Variants in PAM observed in about 807,000 individuals in gnomAD.
PAM encodes peptidyl-glycine alpha-amidating monooxygenase.
PAM carries 72 observed loss-of-function variants against 122.1 expected under a neutral mutation model. That is an observed-to-expected ratio of 0.59 (90% CI 0.49 to 0.72). The LOEUF is 0.72. PAM is among the 30% of genes least tolerant of loss of function. The pLI is 0.00. For missense variants in PAM, 1,106 were observed against 1,183.7 expected (o/e 0.93, Z 0.96); for synonymous variants, 389 against 404.4 (o/e 0.96, Z 0.46).
chr5:102,979,379 T>C (rs1768950800), intron 15 of PAM, among the ~76,000 whole-genome samples: 1 of 152,220 alleles, frequency 6.6e-6, no homozygotes, highest in African/African-American at 2.4e-5. Flanking sequence ...TATAAATATT[T>C]CTACAATAGT....
intron 4 of PAM, among the ~76,000 whole-genome samples, chr5:102,905,486 G>A (rs1408681780): frequency 1.3e-5 from 2 of 151,672 alleles, no homozygotes; most frequent in Admixed American, 1.3e-4. Context: ...TGCACAGTTA[G>A]ATTTGAATAG....
chr5:103,023,809 A>G (rs1281240827), intron 23 of PAM, among the ~76,000 whole-genome samples: 2 of 152,162 alleles, frequency 1.3e-5, no homozygotes, highest in Non-Finnish European at 2.9e-5. Context: ...ACGATGCCTG[A>G]CAATGGTGTA....
intron 3 of PAM, among the ~76,000 whole-genome samples, chr5:102,875,034 T>C (rs527687522): frequency 4.8e-4 from 73 of 152,298 alleles, no homozygotes; most frequent in Admixed American, 9.2e-4. Context: ...CTGTTAATGA[T>C]CTGTCTCCCA....
intron 1 of PAM, among the ~76,000 whole-genome samples, chr5:102,858,456 A>G (rs1783213344): frequency 6.6e-6 from 1 of 152,182 alleles, no homozygotes; most frequent in African/African-American, 2.4e-5. Flanking sequence ...CAGCCCCTAC[A>G]ACAAAGAATG....
chr5:102,976,283 A>C lies in PAM; in HGVS notation c.1483+1847A>C, dbSNP rs147242238. ...CTCATATTTAGGTAAGCTGTTTCTA[A>C]AAGGCTTTTTCTTAATTCTCTTTCA... On this transcript the variant is annotated intron_variant, in intron 15 of 25. Transcript: ENST00000438793. Among the ~76,000 whole-genome samples the C allele has an allele frequency of 9.8e-4, 149 of 152,306 alleles. 1 individual carries two copies. The highest frequency in any genetic ancestry group is 3.5e-3 in the African/African-American group (146 of 41,578).
intron 5 of PAM, among the ~76,000 whole-genome samples, chr5:102,922,563 C>T (rs1307580299): frequency 2.0e-5 from 3 of 152,078 alleles, no homozygotes; most frequent in Admixed American, 6.5e-5. Context: ...AGCATTTGAA[C>T]GATTTTGAGC....
intron 1 of PAM, among the ~76,000 whole-genome samples, chr5:102,803,464 A>G (rs1765431920): frequency 6.6e-6 from 1 of 152,142 alleles, no homozygotes; most frequent in Non-Finnish European, 1.5e-5. Context: ...AATTCTTTAG[A>G]AACAGTGGAT....
intron 1 of PAM, among the ~76,000 whole-genome samples, chr5:102,855,270 A>T (rs1243555220): frequency 2.0e-5 from 3 of 152,216 alleles, no homozygotes; most frequent in Non-Finnish European, 4.4e-5. Flanking sequence ...ATGTTTTTCA[A>T]TTCTATAATA....
chr5:102,830,235 T>G (rs1160880806), intron 1 of PAM, among the ~76,000 whole-genome samples: 2 of 152,246 alleles, frequency 1.3e-5, no homozygotes, highest in Admixed American at 6.5e-5. Flanking sequence ...ATTTTCTCAT[T>G]TAAGAGTAGC....
chr5:102,905,716 A>G (rs1799335095), intron 4 of PAM, among the ~76,000 whole-genome samples: 2 of 151,552 alleles, frequency 1.3e-5, no homozygotes, highest in South Asian at 4.2e-4. Flanking sequence ...ATGTGTGTGT[A>G]CATGTGTGTG....
At chr5:102,764,847 A>G (rs529296282) in intron 1 of PAM, among the ~76,000 whole-genome samples, 2 of 152,330 alleles carry the variant, frequency 1.3e-5, no homozygotes, top group African/African-American at 4.8e-5. Context: ...CAGCCCAGCT[A>G]AAAGTCCCCA....
At chr5:102,813,870 G>T (rs1231387656) in intron 1 of PAM, among the ~76,000 whole-genome samples, 1 of 152,190 alleles carries the variant, frequency 6.6e-6, no homozygotes, top group East Asian at 1.9e-4. Flanking sequence ...TAAAGGGCAT[G>T]AAGCCATAGG....
At chr5:102,822,541 C>T (rs1303605974) in intron 1 of PAM, among the ~76,000 whole-genome samples, 1 of 152,052 alleles carries the variant, frequency 6.6e-6, no homozygotes, top group Non-Finnish European at 1.5e-5. Context: ...AGACAGTGCC[C>T]TAGCCAGGAA....
At chr5:102,940,646 T>C (rs1324707679) in intron 7 of PAM, among the ~76,000 whole-genome samples, 1 of 151,976 alleles carries the variant, frequency 6.6e-6, no homozygotes, top group Non-Finnish European at 1.5e-5. Context: ...AAGTATAATA[T>C]TTAAAACTGC....
intron 7 of PAM, among the ~76,000 whole-genome samples, chr5:102,937,508 T>C (rs1441914547): frequency 6.6e-6 from 1 of 152,140 alleles, no homozygotes; most frequent in Non-Finnish European, 1.5e-5. Context: ...CATGACGTTT[T>C]TTTCCTTCTT....
At chr5:102,859,833 C>T (rs1000600581) in intron 1 of PAM, among the ~76,000 whole-genome samples, 3 of 152,116 alleles carry the variant, frequency 2.0e-5, no homozygotes, top group African/African-American at 7.2e-5. Context: ...TACACAGATA[C>T]TTAGCATTAT....
chr5:102,899,226 C>T (rs1226672844), intron 3 of PAM, among the ~76,000 whole-genome samples: 1 of 151,684 alleles, frequency 6.6e-6, no homozygotes, highest in Non-Finnish European at 1.5e-5. Flanking sequence ...AAATTATTCT[C>T]ATTTTAAATT....
chr5:102,979,456 C>T (rs1466625397), intron 15 of PAM, among the ~76,000 whole-genome samples: 1 of 152,068 alleles, frequency 6.6e-6, no homozygotes, highest in Non-Finnish European at 1.5e-5. Context: ...ATAAGACATC[C>T]TTTTCTCAAA....
At chr5:102,981,109 A>G (rs999814456) in intron 15 of PAM, among the ~76,000 whole-genome samples, 10 of 152,180 alleles carry the variant, frequency 6.6e-5, no homozygotes, top group African/African-American at 2.2e-4. Flanking sequence ...GCTCAAAACA[A>G]CCTATGCGTC....
Sources: gnomAD v4.1 joint callset for allele counts (sites outside exome capture counted in the v4.1 genomes callset) on GRCh38, gnomAD v4.1.1 for gene constraint, MANE v1.5 for transcripts, NCBI Gene and HGNC (gene_info 2026-07-23, HGNC 2026-07-21) for gene names.